Variants in ALG1 observed in about 807,000 individuals in gnomAD.
ALG1 encodes ALG1 chitobiosyldiphosphodolichol beta-mannosyltransferase.
ALG1 carries 58 observed loss-of-function variants against 55.1 expected under a neutral mutation model. The ratio of observed to expected loss-of-function variants is 1.05; its 90% CI spans 0.85 to 1.31. ALG1 has a LOEUF of 1.31. Ranked by LOEUF, ALG1 falls within the 50% of genes most tolerant of loss-of-function variation. ALG1 has a pLI of 0.00. For synonymous variants in ALG1, 309 were observed against 247.0 expected, an observed-to-expected ratio of 1.25 and a Z score of -2.35; for missense variants, 761 against 598.6, an observed-to-expected ratio of 1.27 and a Z score of -2.83.
chr16:5,081,700 T>A (rs866618653), intron 10 of ALG1, among the ~76,000 whole-genome samples: 7 of 151,270 alleles, frequency 4.6e-5, no homozygotes, highest in Non-Finnish European at 7.4e-5. Flanking sequence ...ATTACGGGAT[T>A]ACAGGAGCCC....
chr16:5,071,973 G>A lies in ALG1; in HGVS notation c.124G>A (p.Asp42Asn). The A allele has an allele frequency of 6.3e-7, 1 of 1,592,638 alleles. No homozygotes were observed. The highest frequency in any genetic ancestry group is 1.1e-5 in the South Asian group (1 of 88,490). The change falls in exon 1 of 13, where the codon GAC becomes AAC. Residue 42 changes from aspartate to asparagine, a missense_variant. Transcript: ENST00000262374. ...GCATGTAGTAGCGGTGGTGCTGGGCGACGTGGGCCGCAGCCCCCGTATGCA... is the reference window on the plus strand; with the variant it reads ...GCATGTAGTAGCGGTGGTGCTGGGCAACGTGGGCCGCAGCCCCCGTATGCA... The part of the protein sequence containing the change: ...ARHVVAVVLG[D>N]VGRSPRMQYH...
At chr16:5,077,217 G>A (rs1471542500) in intron 4 of ALG1, among the ~76,000 whole-genome samples, 1 of 152,092 alleles carries the variant, frequency 6.6e-6, no homozygotes, top group African/African-American at 2.4e-5. Flanking sequence ...TTGTTGCCCA[G>A]GCTGGAGTGC....
At chr16:5,078,916 C>T (rs772973714) in intron 7 of ALG1, 38 bp downstream of exon 7, 28 of 1,608,304 alleles carry the variant, frequency 1.7e-5, no homozygotes, top group Non-Finnish European at 2.1e-5. Flanking sequence ...GTTGGTGTGA[C>T]GGGCACCTGG....
Position 5,073,005 on chromosome 16 carries a change from T to G in ALG1, c.263T>G (p.Leu88Trp), listed in dbSNP as rs1312294313. 3 of 1,614,100 alleles carry G rather than the reference T, an allele frequency of 1.9e-6. No homozygotes were observed. Among genetic ancestry groups the G allele is most frequent in the East Asian group, 2.2e-5 (1 of 44,896 alleles). Residue 88 changes from leucine (L) to tryptophan (W), a missense_variant, in exon 2 of 13, where the codon TTG becomes TGG. Leu to Trp is a moderately conservative substitution (Grantham distance 61). Coordinates refer to ENST00000262374, the MANE Select transcript of ALG1 (RefSeq NM_019109.5). ...LQNNRIQIVGLTELQSLAVGP... is the reference protein window; with the variant it reads ...LQNNRIQIVGWTELQSLAVGP... Reference sequence around the variant, plus strand: ...AACAACAGAATTCAGATTGTGGGGTTGACAGAACTTCAGAGTCTTGCAGGT... The same window carrying G: ...AACAACAGAATTCAGATTGTGGGGTGGACAGAACTTCAGAGTCTTGCAGGT...
In ALG1 at chr16:5,078,797, A is replaced by T. The variant is rs377260474; in HGVS notation, c.781A>T (p.Thr261Ser). The T allele has an allele frequency of 1.3e-5, 21 of 1,612,680 alleles. No individual in the cohort carries two copies. The African/African-American group carries it at 2.5e-4, about 19-fold the overall frequency. ...EDPVTERSAFTERDAGSGLVT... is the reference protein window; with the variant it reads ...EDPVTERSAFSERDAGSGLVT... ...CCCAGTCACGGAGCGGTCGGCCTTCACGGAGCGGGATGCTGGGAGCGGGCT... is the reference window on the plus strand; with the variant it reads ...CCCAGTCACGGAGCGGTCGGCCTTCTCGGAGCGGGATGCTGGGAGCGGGCT... The change falls in exon 7 of 13, where the codon ACG becomes TCG. Residue 261 changes from threonine (T) to serine (S), a missense_variant. Coordinates refer to ENST00000262374, the MANE Select transcript of ALG1 (RefSeq NM_019109.5).
At chr16:5,080,496 G>A (rs958782030) in intron 9 of ALG1, among the ~76,000 whole-genome samples, 16 of 152,210 alleles carry the variant, frequency 1.1e-4, no homozygotes, top group African/African-American at 3.9e-4. Context: ...GTGGGAAGAG[G>A]CCGGGTCTGG....
chr16:5,084,531 G>T, intron 12 of ALG1: 1 of 740,820 alleles, frequency 1.3e-6, no homozygotes, highest in Non-Finnish European at 2.2e-6. Flanking sequence ...AGGGCACCAA[G>T]TGTGGGAAAG....
Position 5,085,039 on chromosome 16 carries a change from C to A in ALG1, c.*158C>A. The A allele has an allele frequency of 7.2e-7, 1 of 1,387,428 alleles. No homozygotes were observed. Among genetic ancestry groups the A allele is most frequent in the Non-Finnish European group, 9.9e-7 (1 of 1,013,274 alleles). The allele number at this position is 1,387,428 out of a possible 1,614,324, so 85.9% of individuals were successfully genotyped here. ...CTGGTAAAAGAATTGGTTCTGTGAC[C>A]CGGGAAGCTTTGGTTGGCCTTGATT... On this transcript the variant is annotated 3_prime_UTR_variant, in exon 13 of 13. Coordinates refer to ENST00000262374, the MANE Select transcript of ALG1 (RefSeq NM_019109.5).
intron 5 of ALG1, 145 bp downstream of exon 5, chr16:5,077,679 G>C (rs187902858): frequency 2.2e-5 from 23 of 1,054,356 alleles, no homozygotes; most frequent in Admixed American, 5.8e-5. Flanking sequence ...GTTTGGGGAA[G>C]CTGGGGGAGG....
chr16:5,081,695 G>A (rs1242187106), intron 10 of ALG1, among the ~76,000 whole-genome samples: 3 of 151,284 alleles, frequency 2.0e-5, no homozygotes, highest in African/African-American at 4.9e-5. Flanking sequence ...AGTAGATTAC[G>A]GGATTACAGG....
chr16:5,073,515 C>G (rs1956856853), intron 3 of ALG1: 1 of 533,204 alleles, frequency 1.9e-6, no homozygotes, highest in African/African-American at 1.9e-5. Flanking sequence ...CACAGTTACC[C>G]TAAGAAATAT....
At chr16:5,078,497 G>A in intron 6 of ALG1, 1 of 711,654 alleles carries the variant, frequency 1.4e-6, no homozygotes, top group Non-Finnish European at 2.5e-6. Flanking sequence ...CTCATCTTGA[G>A]TCCAGGGGAT....
chr16:5,084,427 G>A (rs917417674), intron 12 of ALG1: 29 of 523,316 alleles, frequency 5.5e-5, no homozygotes, highest in African/African-American at 5.0e-4. Context: ...ACACCCCCTT[G>A]TTACCCACAG....
intron 12 of ALG1, chr16:5,084,418 C>T (rs1177970762): frequency 2.0e-5 from 10 of 508,294 alleles, no homozygotes; most frequent in Non-Finnish European, 2.9e-5. Context: ...AGAACACCGA[C>T]ACCCCCTTGT....
Position 5,082,641 on chromosome 16 carries a change from C to T in ALG1, c.1155C>T (p.Cys385=). 1 of 1,611,830 alleles carries T rather than the reference C, an allele frequency of 6.2e-7. No individual in the cohort carries two copies. The highest frequency in any genetic ancestry group is 8.5e-7 in the Non-Finnish European group (1 of 1,179,828). Residue 385 remains cysteine (C), a synonymous_variant, in exon 11 of 13, where the codon TGC becomes TGT. Coordinates refer to ENST00000262374, the MANE Select transcript of ALG1 (RefSeq NM_019109.5). The part of the protein sequence containing the change: ...LPMKVVDMFG[C]CLPVCAVNFK... ...TGAAGGTGGTGGACATGTTCGGGTG[C>T]TGTTTGCCTGTGTGTGCTGTGAACT...
At chr16:5,077,640 A>C in intron 5 of ALG1, 106 bp downstream of exon 5, 1 of 1,225,932 alleles carries the variant, frequency 8.2e-7, no homozygotes, top group African/African-American at 1.5e-5. Context: ...GGCAATTTGA[A>C]ATACTGAGGG....
At chr16:5,081,269 T>C (rs1957014419) in intron 10 of ALG1, among the ~76,000 whole-genome samples, 1 of 152,184 alleles carries the variant, frequency 6.6e-6, no homozygotes, top group Non-Finnish European at 1.5e-5. Flanking sequence ...GGCCACGTCC[T>C]TTCAGCCTGC....
At position 5,085,197 on chromosome 16, in the gene ALG1, G is replaced by T. The variant is rs941220621; in HGVS notation, c.*316G>T. On this transcript the variant is annotated 3_prime_UTR_variant, in exon 13 of 13. Coordinates refer to ENST00000262374, the MANE Select transcript of ALG1 (RefSeq NM_019109.5). ...TCCTCATCCTGCGTTTGGTCTCCAG[G>T]TGTCCCCTTTCTGCCGTGTTCCTAA... The T allele has an allele frequency of 1.6e-5, 9 of 566,434 alleles. No individual in the cohort carries two copies. The highest frequency in any genetic ancestry group is 2.2e-5 in the Non-Finnish European group (7 of 319,108). 35.1% of individuals were successfully genotyped at this position (566,434 alleles called of 1,614,324 possible).
Position 5,077,521 on chromosome 16 carries a change from A to G in ALG1, c.616A>G (p.Asn206Asp), listed in dbSNP as rs1299862914. ...TGCTATGCGAGAAGACCTGGCGGAT[A>G]ACTGGCACATCAGGTACCATGGCCT... is the stretch of plus-strand genomic sequence containing the variant. ...TNAMREDLAD[N>D]WHIRAVTVYD... The change falls in exon 5 of 13, where the codon AAC becomes GAC. Residue 206 changes from asparagine (N) to aspartate (D), a missense_variant. Physicochemically the swap from Asn to Asp is conservative, Grantham distance 23 (BLOSUM62 1). Coordinates refer to ENST00000262374, the MANE Select transcript of ALG1 (RefSeq NM_019109.5). 6.2e-7 allele frequency: 1 copy of G among 1,614,194 alleles called. No individual in the cohort carries two copies. Among genetic ancestry groups the G allele is most frequent in the Non-Finnish European group, 8.5e-7 (1 of 1,180,022 alleles).
Sources: allele counts gnomAD v4.1 joint callset (sites outside exome capture counted in the v4.1 genomes callset), GRCh38; gene constraint gnomAD v4.1.1; transcripts MANE v1.5; gene names NCBI Gene and HGNC (gene_info 2026-07-23, HGNC 2026-07-21).